POU6F2: variants seen among roughly 807,000 people sequenced by gnomAD.
POU6F2 encodes the protein POU domain, class 6, transcription factor 2.
A neutral mutation model predicts 71.3 loss-of-function variants in POU6F2; 31 were observed. The ratio of observed to expected loss-of-function variants is 0.43; its 90% CI spans 0.33 to 0.59. The LOEUF (loss-of-function observed/expected upper bound fraction) is 0.59. POU6F2 is among the 20% of genes least tolerant of loss of function. POU6F2 has a pLI of 0.04. For missense variants in POU6F2, 783 were observed against 856.8 expected, an observed-to-expected ratio of 0.91 and a Z score of 1.07; for synonymous variants, 347 against 355.7, an observed-to-expected ratio of 0.98 and a Z score of 0.27.
intron 2 of POU6F2, among the ~76,000 whole-genome samples, chr7:39,142,415 G>A (rs1213440710): frequency 6.6e-6 from 1 of 152,154 alleles, no homozygotes; most frequent in Admixed American, 6.5e-5. Flanking sequence ...GCTGAAAATT[G>A]TTTACAAGCT....
At chr7:39,187,882 T>C (rs1793577916) in intron 2 of POU6F2, among the ~76,000 whole-genome samples, 1 of 152,232 alleles carries the variant, frequency 6.6e-6, no homozygotes, top group Admixed American at 6.5e-5. Flanking sequence ...TTTTTCCATA[T>C]GCCTGAGTTA....
chr7:39,118,343 T>C (rs760005804), intron 2 of POU6F2, among the ~76,000 whole-genome samples: 15 of 150,978 alleles, frequency 9.9e-5, no homozygotes, highest in Non-Finnish European at 2.1e-4. Flanking sequence ...AGATAGATAA[T>C]AAAGAAACAG....
intron 2 of POU6F2, among the ~76,000 whole-genome samples, chr7:39,153,084 G>T (rs1206936622): frequency 6.6e-6 from 1 of 152,150 alleles, no homozygotes; most frequent in Non-Finnish European, 1.5e-5. Flanking sequence ...TCTGCTTTTA[G>T]CCTATAAGAA....
At chr7:39,254,594 C>G (rs1210141810) in intron 4 of POU6F2, among the ~76,000 whole-genome samples, 1 of 152,156 alleles carries the variant, frequency 6.6e-6, no homozygotes, top group Non-Finnish European at 1.5e-5. Context: ...ATCACAGCAT[C>G]TCATCCCTTG....
intron 2 of POU6F2, among the ~76,000 whole-genome samples, chr7:39,156,264 C>T (rs1290794362): frequency 6.6e-6 from 1 of 152,090 alleles, no homozygotes; most frequent in Non-Finnish European, 1.5e-5. Context: ...TGACTACAGA[C>T]CCCCATTAGA....
chr7:39,370,228 G>A (rs1786581680), intron 5 of POU6F2, among the ~76,000 whole-genome samples: 1 of 152,162 alleles, frequency 6.6e-6, no homozygotes, highest in South Asian at 2.1e-4. Context: ...GTAAATGAAA[G>A]GAAACCTAAG....
chr7:39,132,689 A>G (rs1457589409), intron 2 of POU6F2: 1 of 152,242 alleles, frequency 6.6e-6, no homozygotes, highest in Non-Finnish European at 1.5e-5. Flanking sequence ...TTGATCTGAC[A>G]AAAATAGAGT....
intron 4 of POU6F2, among the ~76,000 whole-genome samples, chr7:39,277,349 C>G (rs1016982713): frequency 6.6e-6 from 1 of 152,060 alleles, no homozygotes; most frequent in African/African-American, 2.4e-5. Context: ...GATCCCAACA[C>G]GAAGATAGTG....
At chr7:39,293,155 G>T (rs1235731368) in intron 4 of POU6F2, among the ~76,000 whole-genome samples, 1 of 152,158 alleles carries the variant, frequency 6.6e-6, no homozygotes, top group African/African-American at 2.4e-5. Flanking sequence ...GCCTCTGCCC[G>T]GCCCCGACGG....
At chr7:39,187,105 C>T (rs537417940) in intron 2 of POU6F2, among the ~76,000 whole-genome samples, 10 of 152,340 alleles carry the variant, frequency 6.6e-5, no homozygotes, top group East Asian at 5.8e-4. Flanking sequence ...ATTTATTTAG[C>T]GCACTGCATC....
chr7:38,982,875 G>A (rs1181817744), intron 1 of POU6F2, among the ~76,000 whole-genome samples: 1 of 152,072 alleles, frequency 6.6e-6, no homozygotes, highest in African/African-American at 2.4e-5. Context: ...AAGAAAGTTT[G>A]CATGTAATAA....
intron 5 of POU6F2, 100 bp from the exon 6 acceptor site, chr7:39,406,500 G>A: frequency 7.1e-7 from 1 of 1,418,382 alleles, no homozygotes; most frequent in South Asian, 1.3e-5. Flanking sequence ...TTGCATGAGC[G>A]AATTGAGGCG....
intron 4 of POU6F2, among the ~76,000 whole-genome samples, chr7:39,238,406 G>T (rs912410201): frequency 1.3e-5 from 2 of 152,198 alleles, no homozygotes; most frequent in South Asian, 2.1e-4. Flanking sequence ...TCAGTCTGCC[G>T]GCGGAATCTC....
intron 2 of POU6F2, among the ~76,000 whole-genome samples, chr7:39,088,323 T>A (rs1252774259): frequency 6.6e-6 from 1 of 152,124 alleles, no homozygotes; most frequent in Non-Finnish European, 1.5e-5. Context: ...TTGCTCTTAC[T>A]TTTTAATATT....
rs1002237901 is a variant in POU6F2, at chr7:39,423,555, A to G, written c.1114-9522A>G. Among the ~76,000 whole-genome samples the G allele has an allele frequency of 3.9e-5, 6 of 152,340 alleles. No individual in the cohort carries two copies. The East Asian group carries it at 9.6e-4, about 24-fold the overall frequency. On this transcript the variant is annotated intron_variant, in intron 6 of 9. Coordinates refer to ENST00000518318, the MANE Select transcript of POU6F2 (RefSeq NM_001370959.1). ...AAAACAACCTCTTAGTTTTGAAGCC[A>G]TCACAGAATAAAGCAGAGGGATTCT...
chr7:39,366,118 C>A (rs995899371), intron 5 of POU6F2, among the ~76,000 whole-genome samples: 2 of 152,130 alleles, frequency 1.3e-5, no homozygotes, highest in African/African-American at 4.8e-5. Context: ...TAACCAGTAA[C>A]AAACTCCAGT....
At chr7:39,130,907 T>C (rs1043491131) in intron 2 of POU6F2, among the ~76,000 whole-genome samples, 1 of 152,200 alleles carries the variant, frequency 6.6e-6, no homozygotes, top group Non-Finnish European at 1.5e-5. Context: ...CGTTCCCACC[T>C]GCTGCTACGG....
chr7:39,284,050 C>T (rs1281386606), intron 4 of POU6F2, among the ~76,000 whole-genome samples: 1 of 152,178 alleles, frequency 6.6e-6, no homozygotes, highest in Non-Finnish European at 1.5e-5. Context: ...CTTTCCCCTA[C>T]ACCGTGAACC....
chr7:39,048,463 T>C (rs1036829638), intron 1 of POU6F2, among the ~76,000 whole-genome samples: 1 of 152,086 alleles, frequency 6.6e-6, no homozygotes, highest in South Asian at 2.1e-4. Flanking sequence ...GTTCCTGTGT[T>C]AGTGTCCTAA....
Sources: allele counts gnomAD v4.1 joint callset (sites outside exome capture counted in the v4.1 genomes callset), GRCh38; gene constraint gnomAD v4.1.1; transcripts MANE v1.5; gene names NCBI Gene and HGNC (gene_info 2026-07-23, HGNC 2026-07-21).